The following PCBP3 variants were observed in gnomAD, a reference collection of about 807,000 sequenced individuals.
The protein encoded by PCBP3 is poly(rC) binding protein 3.
A neutral mutation model predicts 52.7 loss-of-function variants in PCBP3; 25 were observed. The observed-to-expected ratio is 0.47, with a 90% CI of 0.35 to 0.66. The LOEUF is 0.66. PCBP3 is among the 30% of genes least tolerant of loss of function. PCBP3 has a pLI of 0.01. For synonymous variants in PCBP3, 162 were observed against 183.0 expected, an observed-to-expected ratio of 0.89 and a Z score of 0.93; for missense variants, 391 against 490.3, an observed-to-expected ratio of 0.80 and a Z score of 1.91.
At chr21:45,797,613 A>G (rs2092006880) in intron 4 of PCBP3, among the ~76,000 whole-genome samples, 1 of 136,950 alleles carries the variant, frequency 7.3e-6, no homozygotes. Context: ...TGGATGGATG[A>G]ATGCATGAAT....
intron 4 of PCBP3, chr21:45,831,026 GT>G (rs1210073403): frequency 6.6e-6 from 1 of 152,410 alleles, no homozygotes; most frequent in Admixed American, 6.5e-5. Flanking sequence ...GCTGAAGCCA[GT>G]TTTCTCAACG....
chr21:45,893,273 C>G (rs1004345249), intron 5 of PCBP3, among the ~76,000 whole-genome samples: 2 of 151,178 alleles, frequency 1.3e-5, no homozygotes, highest in African/African-American at 4.9e-5. Context: ...TGGAGGCATC[C>G]CTGGCACCTG....
rs921783513 is a variant in PCBP3, at chr21:45,863,115, C to T, written c.10+13020C>T. On this transcript the variant is annotated intron_variant, in intron 5 of 17. Transcript: ENST00000681687. The stretch of plus-strand genomic sequence containing the variant: ...GCATGGGTCTTTCTTGTGGGGCAGA[C>T]CTGGAACATCTCAGTCACAACAAAG... Among the ~76,000 whole-genome samples the T allele has an allele frequency of 6.6e-5, 10 of 152,268 alleles. No individual in the cohort carries two copies. The East Asian group carries it at 1.9e-3, about 29-fold the overall frequency.
chr21:45,725,911 T>C (rs1460418095), intron 2 of PCBP3, among the ~76,000 whole-genome samples: 1 of 151,824 alleles, frequency 6.6e-6, no homozygotes, highest in Non-Finnish European at 1.5e-5. Flanking sequence ...GTGCAGGAGA[T>C]GAGGTCAGGA....
intron 1 of PCBP3, among the ~76,000 whole-genome samples, chr21:45,655,555 C>A (rs886691905): frequency 6.6e-6 from 1 of 151,932 alleles, no homozygotes; most frequent in Non-Finnish European, 1.5e-5. Flanking sequence ...GCTTATTGGC[C>A]CTTTTTGTTT....
At chr21:45,644,408 T>A (rs2079121581) in intron 1 of PCBP3, among the ~76,000 whole-genome samples, 1 of 151,708 alleles carries the variant, frequency 6.6e-6, no homozygotes, top group Non-Finnish European at 1.5e-5. Flanking sequence ...GTCTCTCTTG[T>A]TGCTCGCTGT....
At chr21:45,701,068 G>C (rs923890278) in intron 2 of PCBP3, among the ~76,000 whole-genome samples, 2 of 152,146 alleles carry the variant, frequency 1.3e-5, no homozygotes, top group Admixed American at 1.3e-4. Flanking sequence ...ATCGCCTGGA[G>C]GGATTTTGCC....
At chr21:45,824,303 C>A (rs74709815) in intron 4 of PCBP3, among the ~76,000 whole-genome samples, 2 of 152,172 alleles carry the variant, frequency 1.3e-5, no homozygotes, top group Non-Finnish European at 2.9e-5. Context: ...TAGAACACTC[C>A]GAGTTTTGCT....
At chr21:45,911,399 CT>C in intron 11 of PCBP3, 1 of 153,858 alleles carries the variant, frequency 6.5e-6, no homozygotes, top group Non-Finnish European at 1.3e-5. Flanking sequence ...TGGGGGGCAG[CT>C]GGGGGTGGGA....
intron 5 of PCBP3, chr21:45,858,956 C>G (rs1352870017): frequency 6.6e-6 from 1 of 152,512 alleles, no homozygotes; most frequent in Non-Finnish European, 1.5e-5. Context: ...CTTTGCTCTT[C>G]CTGCATCTTC....
At chr21:45,686,040 T>TCCTGAGTAGCTGGGATTACAGGCA (rs1476222198) in intron 2 of PCBP3, among the ~76,000 whole-genome samples, 13 of 150,762 alleles carry the variant, frequency 8.6e-5, no homozygotes, top group African/African-American at 2.7e-4. Context: ...TGCCTCAGCC[T>TCCTGAGTAGCTGGGATTACAGGCA]CCTGAGTAGC....
At chr21:45,785,880 A>G (rs1197943540) in intron 4 of PCBP3, among the ~76,000 whole-genome samples, 2 of 150,236 alleles carry the variant, frequency 1.3e-5, no homozygotes, top group Non-Finnish European at 3.0e-5. Context: ...ACTCAGGGTT[A>G]AATGGATTAA....
intron 8 of PCBP3, 54 bp downstream of exon 8, chr21:45,900,677 G>T: frequency 1.2e-6 from 1 of 837,934 alleles, no homozygotes; most frequent in South Asian, 1.3e-5. Flanking sequence ...GGGCGGGGTG[G>T]GTCCCCAGGC....
intron 13 of PCBP3, among the ~76,000 whole-genome samples, chr21:45,927,271 CCTCCT>C (rs2075546901): frequency 2.1e-5 from 1 of 47,406 alleles, no homozygotes; most frequent in African/African-American, 6.2e-5. Context: ...ATCCTCCTAC[CCTCCT>C]CTCCCTCCCT....
intron 5 of PCBP3, among the ~76,000 whole-genome samples, chr21:45,856,481 G>C (rs1241288689): frequency 6.6e-6 from 1 of 152,212 alleles, no homozygotes; most frequent in Non-Finnish European, 1.5e-5. Flanking sequence ...GAGGTGTTTG[G>C]GTCATGGGTG....
intron 2 of PCBP3, among the ~76,000 whole-genome samples, chr21:45,720,108 T>C (rs1260505910): frequency 6.6e-6 from 1 of 152,222 alleles, no homozygotes; most frequent in Non-Finnish European, 1.5e-5. Context: ...CTGGGATACA[T>C]GTGCAGAACA....
chr21:45,678,708 A>G (rs1277780827), intron 2 of PCBP3, among the ~76,000 whole-genome samples: 3 of 151,744 alleles, frequency 2.0e-5, no homozygotes, highest in Admixed American at 6.6e-5. Context: ...GTTACTTGAG[A>G]TGCAGTCTAC....
At chr21:45,807,799 A>G (rs1323894222) in intron 4 of PCBP3, among the ~76,000 whole-genome samples, 1 of 152,158 alleles carries the variant, frequency 6.6e-6, no homozygotes, top group East Asian at 1.9e-4. Context: ...CTGACTTCAA[A>G]CTATACTACA....
Position 45,900,694 on chromosome 21 carries a change from C to T in PCBP3, c.222+71C>T, listed in dbSNP as rs572798095. On this transcript the variant is annotated intron_variant, in intron 8 of 17. Coordinates refer to ENST00000681687, the MANE Select transcript of PCBP3 (RefSeq NM_001384156.1). Reference sequence around the variant, plus strand: ...GCGGGGTGGGTCCCCAGGCTCTGCCCCTGCCGACGTCCTGCCTGTGCTCTT... The same window carrying T: ...GCGGGGTGGGTCCCCAGGCTCTGCCTCTGCCGACGTCCTGCCTGTGCTCTT... 49 of 1,087,204 alleles carry T rather than the reference C, an allele frequency of 4.5e-5. 1 individual carries two copies. The South Asian group carries it at 6.0e-4, about 13-fold the overall frequency. The allele number at this position is 1,087,204 out of a possible 1,614,324, so 67.3% of individuals were successfully genotyped here. A position where few individuals can be genotyped will look rare whatever the true frequency, so the allele number is the denominator to read the frequency against.
Sources: gnomAD v4.1 joint callset for allele counts (sites outside exome capture counted in the v4.1 genomes callset) on GRCh38, gnomAD v4.1.1 for gene constraint, MANE v1.5 for transcripts, NCBI Gene and HGNC (gene_info 2026-07-23, HGNC 2026-07-21) for gene names.